C2CD3: variants seen among roughly 807,000 people sequenced by gnomAD.
C2CD3 encodes the protein C2 domain containing 3 centriole elongation regulator, also known as C2 domain-containing protein 3.
C2CD3 carries 148 observed loss-of-function variants against 234.0 expected under a neutral mutation model. The ratio of observed to expected loss-of-function variants is 0.63; its 90% CI spans 0.55 to 0.72. The LOEUF is 0.72. C2CD3 is among the 30% of genes least tolerant of loss of function. C2CD3 has a pLI of 0.00. For missense variants in C2CD3, 2,577 were observed against 2,811.5 expected (o/e 0.92, Z 1.89); for synonymous variants, 1,000 against 1,035.4 (o/e 0.97, Z 0.66).
At chr11:74,088,880 C>A (rs1235134925) in intron 20 of C2CD3, among the ~76,000 whole-genome samples, 1 of 152,144 alleles carries the variant, frequency 6.6e-6, no homozygotes, top group Non-Finnish European at 1.5e-5. Context: ...GGCTTGAATG[C>A]CAAGCTAAGG....
chr11:74,150,546 T>TTTTATTATGAAAAA (rs147355026), intron 3 of C2CD3, among the ~76,000 whole-genome samples: 27,114 of 123,184 alleles, frequency 0.22, 3,816 homozygotes, highest in African/African-American at 0.39. Context: ...TTTCTAAGCT[T>TTTTATTATGAAAAA]TTTAAAACAT....
intron 5 of C2CD3, among the ~76,000 whole-genome samples, chr11:74,134,396 G>A (rs1957790219): frequency 6.6e-6 from 1 of 152,206 alleles, no homozygotes; most frequent in South Asian, 2.1e-4. Flanking sequence ...TACTTGGGAG[G>A]CTGAGGCAGG....
chr11:74,149,028 G>A (rs149868992), intron 3 of C2CD3, among the ~76,000 whole-genome samples: 174 of 152,078 alleles, frequency 1.1e-3, no homozygotes, highest in African/African-American at 3.8e-3. Flanking sequence ...CCTCACAGGC[G>A]GCCACTTTCA....
At chr11:74,077,145 G>A (rs1955073502) in intron 23 of C2CD3, among the ~76,000 whole-genome samples, 1 of 151,932 alleles carries the variant, frequency 6.6e-6, no homozygotes. Flanking sequence ...AAGATGTGGT[G>A]ACCAGAGAGG....
chr11:74,157,304 C>T (rs551376742), intron 3 of C2CD3, among the ~76,000 whole-genome samples: 3 of 151,980 alleles, frequency 2.0e-5, no homozygotes, highest in Non-Finnish European at 4.4e-5. Flanking sequence ...AGGTAAATTC[C>T]CAGGGGTGGA....
chr11:74,161,217 A>G (rs1321189634), intron 3 of C2CD3, among the ~76,000 whole-genome samples, 182 bp downstream of exon 3: 1 of 152,196 alleles, frequency 6.6e-6, no homozygotes, highest in Non-Finnish European at 1.5e-5. Flanking sequence ...CTAAGGCACT[A>G]AGAGGATTTG....
chr11:74,090,227 T>C (rs1172364835), intron 20 of C2CD3, among the ~76,000 whole-genome samples: 1 of 152,096 alleles, frequency 6.6e-6, no homozygotes, highest in Non-Finnish European at 1.5e-5. Flanking sequence ...TGGTTTTTAC[T>C]CTGAATAAGA....
chr11:74,120,126 C>G lies in C2CD3; in HGVS notation c.1366-1744G>C, dbSNP rs545950435. On this transcript the variant is annotated intron_variant, in intron 8 of 32. Transcript: ENST00000334126. ...GAACAGCATGATTGTAAGATTACTTCCTTTTTTTTTTTTAATTATACTTTA... is the reference window on the plus strand; with the variant it reads ...GAACAGCATGATTGTAAGATTACTTGCTTTTTTTTTTTTAATTATACTTTA... Among the ~76,000 whole-genome samples, 5 of 151,102 alleles carry G rather than the reference C, an allele frequency of 3.3e-5. No individual in the cohort carries two copies. In the South Asian group the frequency reaches 1.1e-3, roughly 32 times the overall value.
intron 24 of C2CD3, among the ~76,000 whole-genome samples, chr11:74,072,647 G>A (rs925214727): frequency 1.3e-5 from 2 of 152,002 alleles, no homozygotes; most frequent in Non-Finnish European, 2.9e-5. Flanking sequence ...CAATTTATTG[G>A]CTAGGGACAC....
intron 14 of C2CD3, 106 bp from the exon 15 acceptor site, chr11:74,100,782 A>T: frequency 6.6e-6 from 6 of 912,490 alleles, no homozygotes; most frequent in Non-Finnish European, 9.9e-6. Context: ...TTGTTAACAC[A>T]CAGTGTTATG....
At chr11:74,074,798 AAAAGTAGGCTG>A (rs1224869303) in intron 23 of C2CD3, among the ~76,000 whole-genome samples, 198 bp from the exon 24 acceptor site, 1 of 152,194 alleles carries the variant, frequency 6.6e-6, no homozygotes, top group African/African-American at 2.4e-5. Flanking sequence ...TTCAATAATG[AAAAGTAGGCTG>A]AGTGTGGTGG....
At chr11:74,130,970 T>C (rs1394950653) in intron 7 of C2CD3, among the ~76,000 whole-genome samples, 1 of 151,956 alleles carries the variant, frequency 6.6e-6, no homozygotes, top group African/African-American at 2.4e-5. Context: ...TTATAGTTTT[T>C]GATTTTTTAT....
At chr11:74,054,565 AT>A in intron 26 of C2CD3, 41 bp downstream of exon 26, 1 of 992,016 alleles carries the variant, frequency 1.0e-6, no homozygotes, top group South Asian at 1.4e-5. Context: ...ATGTGAGCTT[AT>A]TTTTACAAGC....
At chr11:74,067,650 A>G (rs754306383) in intron 24 of C2CD3, among the ~76,000 whole-genome samples, 43 of 152,230 alleles carry the variant, frequency 2.8e-4, no homozygotes, top group Non-Finnish European at 3.7e-4. Context: ...AATGTATAAA[A>G]TATCACTAAT....
intron 7 of C2CD3, among the ~76,000 whole-genome samples, chr11:74,124,413 G>A (rs1311088618): frequency 6.6e-6 from 1 of 152,116 alleles, no homozygotes; most frequent in African/African-American, 2.4e-5. Flanking sequence ...TCTCAGCCCT[G>A]CTGACATGTT....
At chr11:74,136,425 A>C (rs1957862742) in intron 5 of C2CD3, among the ~76,000 whole-genome samples, 1 of 152,244 alleles carries the variant, frequency 6.6e-6, no homozygotes, top group South Asian at 2.1e-4. Context: ...AAAAAGCAAA[A>C]GCAAAACAAA....
Position 74,085,830 on chromosome 11 carries a change from G to A in C2CD3, c.3698C>T (p.Ala1233Val). 1.2e-6 allele frequency: 2 copies of A among 1,614,092 alleles called. No individual in the cohort carries two copies. Among genetic ancestry groups the A allele is most frequent in the South Asian group, 2.2e-5 (2 of 91,070 alleles). Residue 1233 changes from alanine (A) to valine (V), a missense_variant, in exon 21 of 33, where the codon GCC (alanine) becomes GTC (valine). By Grantham distance (64) the Ala-to-Val change is moderately conservative. Coordinates refer to ENST00000334126, the MANE Select transcript of C2CD3 (RefSeq NM_001286577.2). Reference sequence around the variant, plus strand: ...GAAGGAGAGATGAGTGGTGACAGAGGCATTGACCCCGACTGTGGCACTAAA... The same window carrying A: ...GAAGGAGAGATGAGTGGTGACAGAGACATTGACCCCGACTGTGGCACTAAA... ...LQFSATVGVNASVTTHLSFLP... is the reference protein window; with the variant it reads ...LQFSATVGVNVSVTTHLSFLP...
intron 2 of C2CD3, among the ~76,000 whole-genome samples, chr11:74,162,540 T>C (rs989994213): frequency 5.3e-5 from 8 of 152,172 alleles, no homozygotes; most frequent in Non-Finnish European, 8.8e-5. Flanking sequence ...CTGGAAAAAG[T>C]AATTTAACTT....
rs762516584 is a variant in C2CD3 at position 74,085,766 on chromosome 11, G to A, written c.3762C>T (p.Ala1254=). 1.9e-6 allele frequency: 3 copies of A among 1,614,138 alleles called. No homozygotes were observed. The highest frequency in any genetic ancestry group is 1.1e-5 in the South Asian group (1 of 91,084). The change falls in exon 21 of 33, where the codon GCC becomes GCT. Residue 1254 remains alanine (A), a synonymous_variant. Coordinates refer to ENST00000334126, the MANE Select transcript of C2CD3 (RefSeq NM_001286577.2). ...QGEQRRTHPV[A]CSFCPEFSHH... is the part of the protein sequence containing the mutation. ...GGGAGAACTCAGGGCAGAAAGAACA[G>A]GCCACAGGGTGGGTTCGGCGCTGTT... is the stretch of plus-strand genomic sequence containing the variant.
Sources: gnomAD v4.1 joint callset for allele counts (sites outside exome capture counted in the v4.1 genomes callset) on GRCh38, gnomAD v4.1.1 for gene constraint, MANE v1.5 for transcripts, NCBI Gene and HGNC (gene_info 2026-07-23, HGNC 2026-07-21) for gene names.